The following COL4A2 variants were observed in gnomAD, a reference collection of about 807,000 sequenced individuals.
The protein encoded by COL4A2 is collagen type IV alpha 2 chain.
In COL4A2, 99 loss-of-function variants were observed where a neutral mutation model predicts 200.2. The ratio of observed to expected loss-of-function variants is 0.49; its 90% CI spans 0.42 to 0.58. The LOEUF (loss-of-function observed/expected upper bound fraction) is 0.58, where lower values mean the gene tolerates loss of function less well. Ranked by LOEUF, COL4A2 falls within the 20% of genes least tolerant of loss-of-function variation. The pLI is 0.00. For missense variants in COL4A2, 1,950 were observed against 2,314.1 expected, an observed-to-expected ratio of 0.84 and a Z score of 3.23; for synonymous variants, 897 against 900.6, an observed-to-expected ratio of 1.00 and a Z score of 0.07.
intron 6 of COL4A2, among the ~76,000 whole-genome samples, chr13:110,428,097 C>T (rs1444418966): frequency 6.6e-6 from 1 of 152,080 alleles, no homozygotes; most frequent in Non-Finnish European, 1.5e-5. Flanking sequence ...AAGGACCTTC[C>T]TGTTATCCCT....
intron 38 of COL4A2, among the ~76,000 whole-genome samples, chr13:110,492,671 G>T (rs1298563153): frequency 1.3e-5 from 2 of 152,254 alleles, no homozygotes; most frequent in Non-Finnish European, 2.9e-5. Flanking sequence ...GAATGGAAAT[G>T]ACACCGGGCT....
At chr13:110,456,360 C>G (rs910688012) in intron 20 of COL4A2, 4 of 280,320 alleles carry the variant, frequency 1.4e-5, no homozygotes, top group African/African-American at 9.2e-5. Flanking sequence ...ACGTGTGCCC[C>G]CATTCCCATA....
At chr13:110,412,150 G>A (rs374877375) in intron 4 of COL4A2, among the ~76,000 whole-genome samples, 1 of 152,226 alleles carries the variant, frequency 6.6e-6, no homozygotes, top group African/African-American at 2.4e-5. Flanking sequence ...GCAAGTCAAA[G>A]GGAAGGGAAT....
chr13:110,326,603 G>T (rs887571881), intron 3 of COL4A2, among the ~76,000 whole-genome samples: 21 of 152,162 alleles, frequency 1.4e-4, no homozygotes, highest in Non-Finnish European at 2.8e-4. Flanking sequence ...ACCCCAGCAT[G>T]CTGGGGCCCT....
rs60805024 is a variant in COL4A2 at position 110,342,971 on chromosome 13, C to T, written c.100-14501C>T. Among the ~76,000 whole-genome samples the T allele has an allele frequency of 2.6e-5, 4 of 152,246 alleles. No homozygotes were observed. The East Asian group carries it at 7.7e-4, about 29-fold the overall frequency. ...GTATAGGAGAGCAGGGTAGAGCTGG[C>T]TCCTAAAATTTCACACTCAGGAGAC... On this transcript the variant is annotated intron_variant, in intron 3 of 47. Transcript: ENST00000360467.
chr13:110,395,084 C>G (rs758956757), intron 4 of COL4A2, among the ~76,000 whole-genome samples: 1 of 152,154 alleles, frequency 6.6e-6, no homozygotes, highest in East Asian at 1.9e-4. Context: ...CAGGGTTGGC[C>G]CTAGTGCCCA....
Position 110,434,433 on chromosome 13 carries a change from G to A in COL4A2, c.717G>A (p.Lys239=), listed in dbSNP as rs760713811. 1.2e-6 allele frequency: 2 copies of A among 1,613,996 alleles called. No homozygotes were observed. Among genetic ancestry groups the A allele is most frequent in the Middle Eastern group, 1.6e-4 (1 of 6,062 alleles). The change falls in exon 12 of 48, where the codon AAG becomes AAA. Residue 239 remains lysine, a synonymous_variant. Coordinates refer to ENST00000360467, the MANE Select transcript of COL4A2 (RefSeq NM_001846.4). ...GNRGLGFYGV[K]GEKGDVGQPG... ...GAGGACTTGGTTTCTACGGAGTTAA[G>A]GGTGAAAAGGTAAAGGAAGCCTGGT... is the stretch of plus-strand genomic sequence containing the variant.
At chr13:110,356,913 C>T (rs551504109) in intron 3 of COL4A2, among the ~76,000 whole-genome samples, 64 of 152,202 alleles carry the variant, frequency 4.2e-4, no homozygotes, top group African/African-American at 1.5e-3. Flanking sequence ...ATACCGGTGC[C>T]TGCCACCACG....
At chr13:110,499,444 T>A (rs1172167701) in intron 40 of COL4A2, among the ~76,000 whole-genome samples, 1 of 152,180 alleles carries the variant, frequency 6.6e-6, no homozygotes, top group Non-Finnish European at 1.5e-5. Context: ...GAGAACAGCA[T>A]GAGGATAGCC....
At chr13:110,493,673 A>T (rs1033045124) in intron 39 of COL4A2, among the ~76,000 whole-genome samples, 8 of 152,162 alleles carry the variant, frequency 5.3e-5, no homozygotes, top group African/African-American at 1.9e-4. Context: ...TAAGGAAGCC[A>T]GCGGTTTCCA....
chr13:110,342,473 C>T (rs1216291163), intron 3 of COL4A2, among the ~76,000 whole-genome samples: 1 of 152,204 alleles, frequency 6.6e-6, no homozygotes, highest in African/African-American at 2.4e-5. Context: ...ACACCAGCAT[C>T]TTCCCCCACT....
chr13:110,403,674 GTT>G (rs1879458858), intron 4 of COL4A2, among the ~76,000 whole-genome samples: 1 of 152,152 alleles, frequency 6.6e-6, no homozygotes, highest in South Asian at 2.1e-4. Context: ...GGCCATGTAG[GTT>G]TTTTTCTAGC....
In COL4A2 at chr13:110,464,867, C is replaced by G. The variant is rs554458661; in HGVS notation, c.1777-538C>G. 2.6e-5 allele frequency among the ~76,000 whole-genome samples: 4 copies of G among 152,228 alleles called. No homozygotes were observed. The East Asian group carries it at 5.8e-4, about 22-fold the overall frequency. On this transcript the variant is annotated intron_variant, in intron 24 of 47. Coordinates refer to ENST00000360467, the MANE Select transcript of COL4A2 (RefSeq NM_001846.4). Reference sequence around the variant, plus strand: ...CCTGCACCTCCCACCAGCTCCCCCCCGCACCCTGCAGCTGGTGCTTTCATC... The same window carrying G: ...CCTGCACCTCCCACCAGCTCCCCCCGGCACCCTGCAGCTGGTGCTTTCATC...
intron 29 of COL4A2, chr13:110,473,439 G>A (rs1217198784): frequency 2.1e-5 from 8 of 381,454 alleles, no homozygotes; most frequent in East Asian, 9.0e-5. Context: ...GACAGGGGCC[G>A]TGACAGGCTC....
chr13:110,376,173 G>A (rs534490544), intron 4 of COL4A2, among the ~76,000 whole-genome samples: 1 of 152,288 alleles, frequency 6.6e-6, no homozygotes, highest in Admixed American at 6.5e-5. Context: ...GTTCATGACA[G>A]TACGAAATGC....
chr13:110,347,340 G>A (rs1326462604), intron 3 of COL4A2, among the ~76,000 whole-genome samples: 1 of 152,194 alleles, frequency 6.6e-6, no homozygotes, highest in Admixed American at 6.5e-5. Context: ...GGGAAGGCTC[G>A]GGGGGCTGAG....
chr13:110,488,758 C>T (rs1467076512), intron 34 of COL4A2, among the ~76,000 whole-genome samples: 1 of 152,166 alleles, frequency 6.6e-6, no homozygotes, highest in Non-Finnish European at 1.5e-5. Context: ...GGCGTGAATA[C>T]GCTCTTGAGA....
chr13:110,457,357 C>T lies in COL4A2; in HGVS notation c.1354C>T (p.Leu452=), dbSNP rs1449934571. 4 of 1,612,592 alleles carry T rather than the reference C, an allele frequency of 2.5e-6. No homozygotes were observed. In the East Asian group the frequency reaches 8.9e-5, roughly 36 times the overall value. The change falls in exon 21 of 48, where the codon CTG becomes TTG. Residue 452 remains leucine, a synonymous_variant. Coordinates refer to ENST00000360467, the MANE Select transcript of COL4A2 (RefSeq NM_001846.4). The part of the protein sequence containing the change: ...PPGPDGFLFG[L]KGAKGRAGFP... ...TGTCTCTCTAGGCTTCCTGTTTGGG[C>T]TGAAAGGAGCAAAAGGAAGAGCAGG...
chr13:110,512,000 T>A lies in COL4A2; in HGVS notation c.4948T>A (p.Phe1650Ile). The change falls in exon 48 of 48, where the codon TTC becomes ATC. Residue 1650 changes from phenylalanine (F) to isoleucine (I), a missense_variant. Physicochemically the swap from Phe to Ile is conservative, Grantham distance 21. This residue lies in a region of COL4A2 where 1,385 missense variants were observed against 1,720.5 expected (regional missense o/e 0.80). Coordinates refer to ENST00000360467, the MANE Select transcript of COL4A2 (RefSeq NM_001846.4). Reference protein sequence around the residue: ...LVSPGSCLEDFRATPFIECNG... With the variant: ...LVSPGSCLEDIRATPFIECNG... ...GTCACCGGGCAGCTGTCTAGAGGACTTCCGCGCCACACCATTCATCGAATG... is the reference window on the plus strand; with the variant it reads ...GTCACCGGGCAGCTGTCTAGAGGACATCCGCGCCACACCATTCATCGAATG... 1 of 1,613,580 alleles carries A rather than the reference T, an allele frequency of 6.2e-7. No homozygotes were observed. The highest frequency in any genetic ancestry group is 8.5e-7 in the Non-Finnish European group (1 of 1,180,036).
Sources: gnomAD v4.1 joint callset for allele counts (sites outside exome capture counted in the v4.1 genomes callset) on GRCh38, gnomAD v4.1.1 for gene constraint, gnomAD v4.1.1 regional missense constraint, MANE v1.5 for transcripts, NCBI Gene and HGNC (gene_info 2026-07-23, HGNC 2026-07-21) for gene names.